Variants in RAB3B observed in about 807,000 individuals in gnomAD.
RAB3B encodes the protein ras-related protein Rab-3B.
RAB3B carries 11 observed loss-of-function variants against 20.5 expected under a neutral mutation model. The observed-to-expected ratio is 0.54, with a 90% CI of 0.34 to 0.89. RAB3B has a LOEUF of 0.89. Among genes scored for constraint, RAB3B ranks in the 40% least tolerant of loss-of-function variants. The probability of loss-of-function intolerance (pLI) is 0.02; values close to 1 mark genes in which losing one functional copy is unlikely to be tolerated. For missense variants in RAB3B, 225 were observed against 280.9 expected (o/e 0.80, Z 1.42); for synonymous variants, 99 against 106.3 (o/e 0.93, Z 0.42).
intron 2 of RAB3B, among the ~76,000 whole-genome samples, chr1:51,952,927 G>A (rs1382997135): frequency 2.6e-5 from 4 of 151,828 alleles, no homozygotes; most frequent in Non-Finnish European, 5.9e-5. Context: ...TCCTCCCCTG[G>A]GCCCTCACTT....
At chr1:51,978,930 G>A (rs1450978466) in intron 1 of RAB3B, among the ~76,000 whole-genome samples, 1 of 152,214 alleles carries the variant, frequency 6.6e-6, no homozygotes, top group African/African-American at 2.4e-5. Context: ...ATGTAAGATT[G>A]TTAGCAGCCT....
Position 51,917,142 on chromosome 1 carries a change from T to C in RAB3B, c.*2785A>G, listed in dbSNP as rs1285966523. 1 of 152,234 alleles carries C rather than the reference T, an allele frequency of 6.6e-6. No individual in the cohort carries two copies. The highest frequency in any genetic ancestry group is 1.9e-4 in the East Asian group (1 of 5,198). 9.4% of individuals were successfully genotyped at this position (152,234 alleles called of 1,614,324 possible). A position where few individuals can be genotyped will look rare whatever the true frequency, so the allele number is the denominator to read the frequency against. ...CCTCATCTTCAAATGAGGCTCACTA[T>C]AGTGCCTCCCTCACAAGATGTTGGG... On this transcript the variant is annotated 3_prime_UTR_variant, in exon 5 of 5. Coordinates refer to ENST00000371655, the MANE Select transcript of RAB3B (RefSeq NM_002867.4).
intron 2 of RAB3B, among the ~76,000 whole-genome samples, chr1:51,961,745 G>C (rs1684787196): frequency 6.6e-6 from 1 of 152,018 alleles, no homozygotes; most frequent in African/African-American, 2.4e-5. Context: ...CTCCATACAT[G>C]GGTTTTGAAG....
chr1:51,981,790 C>T (rs890652311), intron 1 of RAB3B, among the ~76,000 whole-genome samples: 1 of 152,152 alleles, frequency 6.6e-6, no homozygotes, highest in Non-Finnish European at 1.5e-5. Context: ...AACATTGTAG[C>T]ACAACACATT....
At chr1:51,923,350 G>A (rs943674880) in intron 4 of RAB3B, among the ~76,000 whole-genome samples, 4 of 152,174 alleles carry the variant, frequency 2.6e-5, no homozygotes, top group Non-Finnish European at 5.9e-5. Flanking sequence ...AGGGATGCAG[G>A]AGAGGGAGAG....
At chr1:51,966,277 A>AT (rs1352613178) in intron 2 of RAB3B, among the ~76,000 whole-genome samples, 1 of 152,186 alleles carries the variant, frequency 6.6e-6, no homozygotes, top group Non-Finnish European at 1.5e-5. Flanking sequence ...ACCTGCAATG[A>AT]TTTTCCCAGG....
intron 1 of RAB3B, among the ~76,000 whole-genome samples, chr1:51,982,753 A>AAATAATAATAAT (rs540518500): frequency 2.0e-5 from 3 of 151,502 alleles, no homozygotes; most frequent in African/African-American, 7.3e-5. Flanking sequence ...AATCTCAAAA[A>AAATAATAATAAT]AATAATAATA....
At chr1:51,938,677 AT>A (rs577123717) in intron 2 of RAB3B, among the ~76,000 whole-genome samples, 235 of 143,440 alleles carry the variant, frequency 1.6e-3, no homozygotes, top group Middle Eastern at 3.6e-3. Context: ...TCTTCATGTA[AT>A]TTTTTTTTTT....
At chr1:51,968,313 A>G (rs1044711680) in intron 2 of RAB3B, among the ~76,000 whole-genome samples, 1 of 152,234 alleles carries the variant, frequency 6.6e-6, no homozygotes, top group Non-Finnish European at 1.5e-5. Flanking sequence ...GCAACAGGAA[A>G]CTAATAGAGA....
At chr1:51,966,615 T>C (rs1478553919) in intron 2 of RAB3B, among the ~76,000 whole-genome samples, 1 of 152,236 alleles carries the variant, frequency 6.6e-6, no homozygotes, top group Non-Finnish European at 1.5e-5. Flanking sequence ...GTCTTTGTTG[T>C]GATTTTTAAA....
intron 2 of RAB3B, among the ~76,000 whole-genome samples, chr1:51,950,730 G>A (rs1243295869): frequency 2.0e-5 from 3 of 152,138 alleles, no homozygotes; most frequent in Admixed American, 1.3e-4. Flanking sequence ...CTCTCTTCCC[G>A]TCTTCAATCC....
At position 51,951,131 on chromosome 1, in the gene RAB3B, C is replaced by CT. The variant is rs35854435; in HGVS notation, c.229-13720dup. On this transcript the variant is annotated intron_variant, in intron 2 of 4. Transcript: ENST00000371655. ...CCTGACAATGATTCTGTGATGCAGA[C>CT]TTTTTTTTTTTTTTTTAACAATTTC... Among the ~76,000 whole-genome samples the CT allele has an allele frequency of 4.6e-3, 663 of 145,010 alleles. 10 individuals are homozygous for CT. The highest frequency in any genetic ancestry group is 0.016 in the African/African-American group (633 of 39,330).
intron 2 of RAB3B, among the ~76,000 whole-genome samples, chr1:51,952,976 A>C (rs1275202416): frequency 6.6e-6 from 1 of 152,158 alleles, no homozygotes; most frequent in East Asian, 1.9e-4. Context: ...TCTGCTGGGC[A>C]TCTCCACTTA....
chr1:51,941,018 G>A (rs1156989477), intron 2 of RAB3B, among the ~76,000 whole-genome samples: 1 of 152,022 alleles, frequency 6.6e-6, no homozygotes, highest in Non-Finnish European at 1.5e-5. Context: ...ATGCTGAGGA[G>A]GAAAACTGGG....
chr1:51,989,922 T>C (rs914687783), intron 1 of RAB3B, among the ~76,000 whole-genome samples: 39 of 148,022 alleles, frequency 2.6e-4, no homozygotes, highest in African/African-American at 6.8e-4. Context: ...GACCAGACAC[T>C]GCCCTGCTGC....
At chr1:51,959,919 G>A (rs997801398) in intron 2 of RAB3B, among the ~76,000 whole-genome samples, 6 of 152,208 alleles carry the variant, frequency 3.9e-5, no homozygotes, top group Non-Finnish European at 8.8e-5. Context: ...ACTGCATCCT[G>A]TGGTTGGGTT....
rs1170794791 is a variant in RAB3B, at chr1:51,918,830, A to G, written c.*1097T>C. The G allele has an allele frequency of 6.6e-6, 1 of 152,216 alleles. No individual in the cohort carries two copies. The highest frequency in any genetic ancestry group is 1.5e-5 in the Non-Finnish European group (1 of 68,040). The allele number at this position is 152,216 out of a possible 1,614,324, so 9.4% of individuals were successfully genotyped here. A position where few individuals can be genotyped will look rare whatever the true frequency, so the allele number is the denominator to read the frequency against. ...TTCCCACAGTTAAGAACCAACTGGA[A>G]AGCAGCAAAATCAGAAACTCATGAT... On this transcript the variant is annotated 3_prime_UTR_variant, in exon 5 of 5. Coordinates refer to ENST00000371655, the MANE Select transcript of RAB3B (RefSeq NM_002867.4).
chr1:51,975,701 C>T (rs1684998521), intron 2 of RAB3B, among the ~76,000 whole-genome samples: 1 of 152,172 alleles, frequency 6.6e-6, no homozygotes, highest in African/African-American at 2.4e-5. Context: ...TCTTAAGATC[C>T]TCCAGCCCCA....
intron 1 of RAB3B, among the ~76,000 whole-genome samples, chr1:51,981,655 A>G (rs1320213005): frequency 6.6e-6 from 1 of 152,246 alleles, no homozygotes; most frequent in Non-Finnish European, 1.5e-5. Context: ...TTAAATTTTA[A>G]AAGTACAATC....
Sources: allele counts gnomAD v4.1 joint callset (sites outside exome capture counted in the v4.1 genomes callset), GRCh38; gene constraint gnomAD v4.1.1; transcripts MANE v1.5; gene names NCBI Gene and HGNC (gene_info 2026-07-23, HGNC 2026-07-21).